FLT1: variants seen among roughly 807,000 people sequenced by gnomAD.
The protein encoded by FLT1 is fms related receptor tyrosine kinase 1, also known as vascular endothelial growth factor receptor 1.
In FLT1, 49 loss-of-function variants were observed where a neutral mutation model predicts 156.3. That is an observed-to-expected ratio of 0.31 (90% CI 0.25 to 0.40). FLT1 has a LOEUF of 0.40. Ranked by LOEUF, FLT1 falls within the 10% of genes least tolerant of loss-of-function variation. FLT1 has a pLI of 1.00. For synonymous variants in FLT1, 594 were observed against 583.8 expected (o/e 1.02, Z -0.25); for missense variants, 1,322 against 1,637.2 (o/e 0.81, Z 3.32).
intron 28 of FLT1, among the ~76,000 whole-genome samples, chr13:28,307,657 AT>A (rs5802471): frequency 1.2e-3 from 177 of 147,144 alleles, no homozygotes; most frequent in African/African-American, 4.2e-3. Flanking sequence ...TTCGTTTTTG[AT>A]TTTTTTTTTT....
At chr13:28,435,302 T>C (rs992439021) in intron 4 of FLT1, among the ~76,000 whole-genome samples, 1 of 152,240 alleles carries the variant, frequency 6.6e-6, no homozygotes, top group Non-Finnish European at 1.5e-5. Context: ...TTTCTCCTTA[T>C]GCCTTCTTCT....
intron 1 of FLT1, among the ~76,000 whole-genome samples, chr13:28,471,358 G>A (rs1355916028): frequency 1.3e-5 from 2 of 152,100 alleles, no homozygotes; most frequent in Admixed American, 6.5e-5. Flanking sequence ...ACAGGAAAAC[G>A]AATAAGAAAA....
chr13:28,321,563 G>A lies in FLT1; in HGVS notation c.3074C>T (p.Ala1025Val), dbSNP rs747063979. Residue 1025 changes from alanine (A) to valine (V), a missense_variant, in exon 23 of 30, where the codon GCG becomes GTG. This residue lies in a region of FLT1 where 991 missense variants were observed against 1,254.8 expected (regional missense o/e 0.79). Coordinates refer to ENST00000282397, the MANE Select transcript of FLT1 (RefSeq NM_002019.4). Reference protein sequence around the residue: ...SRKCIHRDLAARNILLSENNV... With the variant: ...SRKCIHRDLAVRNILLSENNV... ...GTTCTCAGATAAAAGAATGTTTCTC[G>A]CTGCCAGGTCCCGATGAATGCACTA... 11 of 1,614,094 alleles carry A rather than the reference G, an allele frequency of 6.8e-6. No homozygotes were observed. Among genetic ancestry groups the A allele is most frequent in the South Asian group, 1.1e-5 (1 of 91,078 alleles).
chr13:28,331,832 C>A (rs1871942919), intron 18 of FLT1, among the ~76,000 whole-genome samples: 1 of 151,006 alleles, frequency 6.6e-6, no homozygotes, highest in Non-Finnish European at 1.5e-5. Context: ...ATTTGGCAGT[C>A]TTTTACAATC....
In FLT1 at chr13:28,334,101, T is replaced by G; in HGVS notation, c.2517A>C (p.Gly839=). Residue 839 remains glycine (G), a synonymous_variant, in exon 18 of 30, where the codon GGA becomes GGC. Transcript: ENST00000282397. The stretch of plus-strand genomic sequence containing the variant: ...CAAATGCTGATGCTTGAACCACTTT[T>G]CCAAAAGCCCCTCTTCCAAGTGATT... The part of the protein sequence containing the change: ...LGKSLGRGAF[G]KVVQASAFGI... 6.2e-7 allele frequency: 1 copy of G among 1,613,708 alleles called. No homozygotes were observed. The highest frequency in any genetic ancestry group is 2.2e-5 in the East Asian group (1 of 44,882).
intron 3 of FLT1, among the ~76,000 whole-genome samples, chr13:28,447,157 TATATA>T (rs56065806): frequency 0.26 from 37,182 of 144,078 alleles, 5,010 homozygotes; most frequent in Non-Finnish European, 0.31. Flanking sequence ...ATTTTATAGT[TATATA>T]ATATAATATA....
rs1327465727 is a variant in FLT1, at chr13:28,308,907, A to C, written c.3656T>G (p.Phe1219Cys). 6.2e-7 allele frequency: 1 copy of C among 1,608,330 alleles called. No individual in the cohort carries two copies. The highest frequency in any genetic ancestry group is 2.2e-5 in the East Asian group (1 of 44,868). ...DDVRYVNAFK[F>C]MSLERIKTFE... ...GGTTTTGATTCTTTCCAGGCTCATGAACTTGAAAGCATTTACGTATCTAAT... is the reference window on the plus strand; with the variant it reads ...GGTTTTGATTCTTTCCAGGCTCATGCACTTGAAAGCATTTACGTATCTAAT... Residue 1219 changes from phenylalanine to cysteine, a missense_variant, in exon 28 of 30, where the codon TTC becomes TGC. Coordinates refer to ENST00000282397, the MANE Select transcript of FLT1 (RefSeq NM_002019.4).
intron 1 of FLT1, among the ~76,000 whole-genome samples, chr13:28,490,901 C>G (rs2137674468): frequency 6.6e-6 from 1 of 152,328 alleles, no homozygotes; most frequent in Middle Eastern, 3.4e-3. Context: ...CACGCCTGGC[C>G]TCTACTAACA....
chr13:28,344,580 G>GAATGAATA (rs1195057494), intron 16 of FLT1, among the ~76,000 whole-genome samples: 1 of 152,136 alleles, frequency 6.6e-6, no homozygotes, highest in Non-Finnish European at 1.5e-5. Context: ...ATGAATGAAT[G>GAATGAATA]AATGAATAAA....
At chr13:28,421,138 A>T (rs1876975019) in intron 10 of FLT1, among the ~76,000 whole-genome samples, 1 of 152,154 alleles carries the variant, frequency 6.6e-6, no homozygotes, top group African/African-American at 2.4e-5. Flanking sequence ...TCACATTGTC[A>T]TTGAGAATGG....
chr13:28,442,915 C>T (rs763798027), intron 3 of FLT1, among the ~76,000 whole-genome samples: 57 of 152,222 alleles, frequency 3.7e-4, no homozygotes, highest in Non-Finnish European at 6.0e-4. Context: ...CCACTTACTA[C>T]TCCCGTAGGA....
intron 12 of FLT1, among the ~76,000 whole-genome samples, chr13:28,394,737 T>A (rs1169608297): frequency 2.6e-5 from 4 of 152,104 alleles, no homozygotes; most frequent in Admixed American, 2.0e-4. Flanking sequence ...TGTGAAGAGT[T>A]TATGGGGCCA....
chr13:28,445,398 C>G (rs1376734619), intron 3 of FLT1, among the ~76,000 whole-genome samples: 1 of 152,146 alleles, frequency 6.6e-6, no homozygotes, highest in Non-Finnish European at 1.5e-5. Context: ...ATCGCTTGAA[C>G]CCAGGTGGCA....
intron 14 of FLT1, among the ~76,000 whole-genome samples, chr13:28,374,715 G>T (rs368035006): frequency 1.6e-4 from 24 of 151,898 alleles, no homozygotes; most frequent in Non-Finnish European, 3.1e-4. Flanking sequence ...GGGTTTCACC[G>T]TGTTAGCCAG....
chr13:28,338,567 T>G (rs1279651245), intron 17 of FLT1, among the ~76,000 whole-genome samples: 2 of 152,212 alleles, frequency 1.3e-5, no homozygotes, highest in African/African-American at 4.8e-5. Flanking sequence ...GTCTTTGCTT[T>G]TCAAAAGTGA....
At chr13:28,406,837 T>C (rs1319478397) in intron 10 of FLT1, among the ~76,000 whole-genome samples, 1 of 152,142 alleles carries the variant, frequency 6.6e-6, no homozygotes, top group Non-Finnish European at 1.5e-5. Flanking sequence ...GGTTCATCTT[T>C]AGCAGCCAAG....
chr13:28,359,877 G>T (rs527990755), intron 14 of FLT1, among the ~76,000 whole-genome samples: 1 of 152,116 alleles, frequency 6.6e-6, no homozygotes, highest in African/African-American at 2.4e-5. Flanking sequence ...TTGGGAGGCC[G>T]AGGTGGGCAG....
intron 17 of FLT1, among the ~76,000 whole-genome samples, chr13:28,334,569 G>A (rs1250854856): frequency 6.6e-6 from 1 of 152,140 alleles, no homozygotes; most frequent in African/African-American, 2.4e-5. Context: ...ATAGAAAATG[G>A]TGGTTACTAC....
intron 13 of FLT1, chr13:28,385,825 A>G (rs981654698): frequency 9.5e-7 from 1 of 1,050,956 alleles, no homozygotes; most frequent in Non-Finnish European, 1.1e-6. Context: ...CCACATAAGA[A>G]CAGCAGTACC....
Sources: allele counts gnomAD v4.1 joint callset (sites outside exome capture counted in the v4.1 genomes callset), GRCh38; gene constraint gnomAD v4.1.1; regional missense constraint gnomAD v4.1.1; transcripts MANE v1.5; gene names NCBI Gene and HGNC (gene_info 2026-07-23, HGNC 2026-07-21).